CHD7: variants seen among roughly 807,000 people sequenced by gnomAD.
CHD7 encodes chromodomain helicase DNA binding protein 7, also known as ATP-dependent chromatin remodeler CHD7.
In CHD7, 24 loss-of-function variants were observed where a neutral mutation model predicts 307.3. The observed-to-expected ratio is 0.08, with a 90% confidence interval of 0.06 to 0.11. CHD7 has a LOEUF of 0.11. CHD7 is among the 10% of genes least tolerant of loss of function. The probability of loss-of-function intolerance (pLI) is 1.00; values close to 1 mark genes in which losing one functional copy is unlikely to be tolerated. For missense variants in CHD7, 3,106 were observed against 3,727.1 expected (o/e 0.83, Z 4.34); for synonymous variants, 1,363 against 1,349.9 (o/e 1.01, Z -0.21).
At chr8:60,789,957 T>C (rs932991761) in intron 3 of CHD7, among the ~76,000 whole-genome samples, 87 of 152,198 alleles carry the variant, frequency 5.7e-4, no homozygotes, top group African/African-American at 1.9e-3. Context: ...CTTGGTGCCA[T>C]TGGGGGTGAT....
intron 2 of CHD7, among the ~76,000 whole-genome samples, chr8:60,753,905 G>A (rs757389463): frequency 1.3e-5 from 2 of 152,090 alleles, no homozygotes; most frequent in African/African-American, 2.4e-5. Flanking sequence ...GTTTACAGGT[G>A]TGAGCCACCG....
At chr8:60,850,452 T>TGTTTCTGTGTG (rs1805402916) in intron 25 of CHD7, 41 bp from the exon 26 acceptor site, 10 of 1,573,040 alleles carry the variant, frequency 6.4e-6, no homozygotes, top group Non-Finnish European at 8.7e-6. Context: ...GGCCTTTCTT[T>TGTTTCTGTGTG]GTTTCTGTGT....
At chr8:60,792,752 T>C (rs4581092) in intron 3 of CHD7, among the ~76,000 whole-genome samples, 121,664 of 152,150 alleles carry the variant, frequency 0.8, 48,818 homozygotes, top group East Asian at 0.94. Flanking sequence ...ATGCAGGGCC[T>C]GGCAGCCCTC....
At chr8:60,699,638 T>C (rs1806658183) in intron 1 of CHD7, among the ~76,000 whole-genome samples, 1 of 152,036 alleles carries the variant, frequency 6.6e-6, no homozygotes, top group Non-Finnish European at 1.5e-5. Flanking sequence ...CTCTCAGTAC[T>C]CTTGGATGAG....
Position 60,800,473 on chromosome 8 carries a change from C to T in CHD7, c.2324C>T (p.Ala775Val). 6.2e-7 allele frequency: 1 copy of T among 1,613,840 alleles called. No individual in the cohort carries two copies. The highest frequency in any genetic ancestry group is 1.1e-5 in the South Asian group (1 of 91,050). ...ATTTCTGATGAGGAGGCAGATGATG[C>T]AGATGCTGCTGGGAGGGATTCCCCC... is the stretch of plus-strand genomic sequence containing the variant. ...FKISDEEADD[A>V]DAAGRDSPSN... The change falls in exon 5 of 38, where the codon GCA (alanine) becomes GTA (valine). Residue 775 changes from alanine to valine, a missense_variant. Ala to Val is a moderately conservative substitution (Grantham distance 64, BLOSUM62 0). This residue lies in a region of CHD7 where 998 missense variants were observed against 1,004.5 expected (regional missense o/e 0.99). Transcript: ENST00000423902.
At chr8:60,689,812 A>C (rs888687311) in intron 1 of CHD7, among the ~76,000 whole-genome samples, 1 of 152,208 alleles carries the variant, frequency 6.6e-6, no homozygotes, top group African/African-American at 2.4e-5. Context: ...CCCTGTTTTC[A>C]CTTATCAGTC....
chr8:60,854,970 A>G (rs1287306973), intron 32 of CHD7: 2 of 152,458 alleles, frequency 1.3e-5, no homozygotes. Context: ...TTGACGCATT[A>G]TGAGATAATT....
chr8:60,802,008 G>A (rs551979323), intron 6 of CHD7, among the ~76,000 whole-genome samples: 1 of 152,332 alleles, frequency 6.6e-6, no homozygotes, highest in Admixed American at 6.5e-5. Context: ...GTTTTCTCAT[G>A]TGTTTTGTAA....
intron 2 of CHD7, among the ~76,000 whole-genome samples, chr8:60,745,724 C>T (rs1159972467): frequency 6.6e-6 from 1 of 152,172 alleles, no homozygotes; most frequent in Non-Finnish European, 1.5e-5. Flanking sequence ...AAGTCTCAGG[C>T]ACAGAACATA....
At chr8:60,749,303 G>A (rs1315608741) in intron 2 of CHD7, among the ~76,000 whole-genome samples, 3 of 148,778 alleles carry the variant, frequency 2.0e-5, no homozygotes, top group South Asian at 4.2e-4. Flanking sequence ...CCCGTGAGGC[G>A]GAGGTTGTGG....
At chr8:60,861,313 A>C in intron 35 of CHD7, 188 bp downstream of exon 35, 1 of 556,014 alleles carries the variant, frequency 1.8e-6, no homozygotes, top group Non-Finnish European at 3.2e-6. Flanking sequence ...GGTCTGTCTT[A>C]CTGAAGGCAG....
intron 3 of CHD7, among the ~76,000 whole-genome samples, chr8:60,788,249 G>T (rs1430207808): frequency 6.6e-6 from 1 of 151,676 alleles, no homozygotes; most frequent in Non-Finnish European, 1.5e-5. Flanking sequence ...TCCCACCTCA[G>T]TCTCTCTTTT....
intron 1 of CHD7, among the ~76,000 whole-genome samples, chr8:60,690,100 C>G (rs771165275): frequency 6.6e-6 from 1 of 152,082 alleles, no homozygotes; most frequent in Non-Finnish European, 1.5e-5. Flanking sequence ...CGCAGTCATA[C>G]ACTCAGTCAT....
intron 26 of CHD7, 119 bp from the exon 27 acceptor site, chr8:60,850,913 G>C: frequency 2.7e-6 from 2 of 749,688 alleles, no homozygotes; most frequent in South Asian, 3.9e-5. Flanking sequence ...AGTTGCTTTT[G>C]ATGTCAAACC....
intron 3 of CHD7, among the ~76,000 whole-genome samples, chr8:60,788,851 C>G (rs1811634252): frequency 6.6e-6 from 1 of 152,162 alleles, no homozygotes; most frequent in Non-Finnish European, 1.5e-5. Flanking sequence ...TTAGTTTATT[C>G]TGTTGTCCGC....
intron 16 of CHD7, 35 bp downstream of exon 16, chr8:60,836,318 ATC>A: frequency 6.3e-7 from 1 of 1,581,634 alleles, no homozygotes; most frequent in Admixed American, 1.7e-5. Context: ...TAAAAAGGAA[ATC>A]TAAAATTACC....
At chr8:60,698,010 A>G (rs1806570314) in intron 1 of CHD7, among the ~76,000 whole-genome samples, 1 of 152,224 alleles carries the variant, frequency 6.6e-6, no homozygotes, top group Non-Finnish European at 1.5e-5. Context: ...CACACTGGGT[A>G]CCATAAAACA....
chr8:60,865,986 A>G lies in CHD7; in HGVS notation c.*53A>G. 4 of 1,412,746 alleles carry G rather than the reference A, an allele frequency of 2.8e-6. No individual in the cohort carries two copies. The highest frequency in any genetic ancestry group is 1.2e-5 in the South Asian group (1 of 80,996). The allele number at this position is 1,412,746 out of a possible 1,614,324, so 87.5% of individuals were successfully genotyped here. Reference sequence around the variant, plus strand: ...AAAACTTTTGACAAGTGGTAGTCCTACTGTTTACACTCACAGTTAATGTTC... The same window carrying G: ...AAAACTTTTGACAAGTGGTAGTCCTGCTGTTTACACTCACAGTTAATGTTC... On this transcript the variant is annotated 3_prime_UTR_variant, in exon 38 of 38. Transcript: ENST00000423902. This position sits in a 1 kb window ranked among gnomAD's most constrained non-coding sequence, Gnocchi z 4.3.
At chr8:60,688,171 G>A (rs1201533930) in intron 1 of CHD7, among the ~76,000 whole-genome samples, 1 of 152,232 alleles carries the variant, frequency 6.6e-6, no homozygotes, top group African/African-American at 2.4e-5. Flanking sequence ...AGTTGTTCTT[G>A]TGGAGGTTGC....
Sources: allele counts gnomAD v4.1 joint callset (sites outside exome capture counted in the v4.1 genomes callset), GRCh38; gene constraint gnomAD v4.1.1; regional missense constraint gnomAD v4.1.1; non-coding constraint Gnocchi (gnomAD v3.1); transcripts MANE v1.5; gene names NCBI Gene and HGNC (gene_info 2026-07-23, HGNC 2026-07-21).